The following STEAP2 variants were observed in gnomAD, a reference collection of about 807,000 sequenced individuals.
STEAP2 encodes STEAP2 metalloreductase.
A neutral mutation model predicts 46.4 loss-of-function variants in STEAP2; 30 were observed. The observed-to-expected ratio is 0.65, with a 90% CI of 0.48 to 0.88. The LOEUF (loss-of-function observed/expected upper bound fraction) is 0.88. Ranked by LOEUF, STEAP2 falls within the 40% of genes least tolerant of loss-of-function variation. The probability of loss-of-function intolerance (pLI) is 0.00; values close to 1 mark genes in which losing one functional copy is unlikely to be tolerated. For missense variants in STEAP2, 513 were observed against 579.3 expected, an observed-to-expected ratio of 0.89 and a Z score of 1.18; for synonymous variants, 180 against 200.5, an observed-to-expected ratio of 0.90 and a Z score of 0.86.
Position 90,232,731 on chromosome 7 carries a change from C to T in STEAP2, c.*107C>T. 2 of 1,395,778 alleles carry T rather than the reference C, an allele frequency of 1.4e-6. No individual in the cohort carries two copies. The highest frequency in any genetic ancestry group is 1.9e-6 in the Non-Finnish European group (2 of 1,073,240). 86.5% of individuals were successfully genotyped at this position (1,395,778 alleles called of 1,614,324 possible). On this transcript the variant is annotated 3_prime_UTR_variant, in exon 6 of 6. Transcript: ENST00000394621. ...GCTGTCAAATTATCGTGGGTTGAAA[C>T]TTGTTAAATGAGATTTCAACTGACT...
rs538446827 is a variant in STEAP2, at chr7:90,233,348, A to T, written c.*724A>T. On this transcript the variant is annotated 3_prime_UTR_variant, in exon 6 of 6. Coordinates refer to ENST00000394621, the MANE Select transcript of STEAP2 (RefSeq NM_001244944.2). ...TTTCATATTAATATACTGATCAGGA[A>T]GAGGATTCAGTAACATTTGGCTTCC... 354 of 984,174 alleles carry T rather than the reference A, an allele frequency of 3.6e-4. No homozygotes were observed. Among genetic ancestry groups the T allele is most frequent in the Non-Finnish European group, 4.2e-4 (345 of 828,928 alleles). The allele number at this position is 984,174 out of a possible 1,614,324, so 61.0% of individuals were successfully genotyped here.
chr7:90,240,429 C>T (rs1047020526), downstream of STEAP2, among the ~76,000 whole-genome samples: 3 of 152,016 alleles, frequency 2.0e-5, no homozygotes, highest in African/African-American at 7.2e-5. The surrounding 1 kb of genome is among the most constrained non-coding windows in gnomAD (Gnocchi z 4.1). Flanking sequence ...TACTCTAATT[C>T]AGAAAGGAAT....
chr7:90,225,631 A>C, intron 3 of STEAP2, 57 bp downstream of exon 3: 1 of 1,491,644 alleles, frequency 6.7e-7, no homozygotes, highest in South Asian at 1.4e-5. Flanking sequence ...TAAACAACTA[A>C]GCAAATATCA....
chr7:90,221,024 A>G (rs1209129715), intron 2 of STEAP2, among the ~76,000 whole-genome samples: 1 of 152,050 alleles, frequency 6.6e-6, no homozygotes, highest in African/African-American at 2.4e-5. Flanking sequence ...AATTTGTTGA[A>G]TCTTATTTTG....
chr7:90,225,654 C>T (rs1795459114), intron 3 of STEAP2, 80 bp downstream of exon 3: 2 of 1,402,990 alleles, frequency 1.4e-6, no homozygotes, highest in Admixed American at 2.5e-5. Context: ...CATTTTAATA[C>T]CAAACTCTGA....
downstream of STEAP2, among the ~76,000 whole-genome samples, chr7:90,239,805 T>C (rs194532): frequency 2.6e-5 from 4 of 152,234 alleles, no homozygotes; most frequent in Admixed American, 2.0e-4. Context: ...GTTAGTATAC[T>C]TTTCATTAGA....
downstream of STEAP2, chr7:90,238,005 A>G (rs765655754): frequency 1.6e-4 from 112 of 712,344 alleles, no homozygotes; most frequent in Non-Finnish European, 2.6e-4. Context: ...ATAATTACCC[A>G]TTTTTACAGA....
intron 1 of STEAP2, chr7:90,213,686 G>A (rs1363893657): frequency 6.6e-6 from 1 of 152,220 alleles, no homozygotes; most frequent in African/African-American, 2.4e-5. Flanking sequence ...CCAATGTGGA[G>A]GCAGTGATCA....
chr7:90,228,477 T>TC (rs1936285712), intron 4 of STEAP2, among the ~76,000 whole-genome samples: 1 of 152,124 alleles, frequency 6.6e-6, no homozygotes, highest in South Asian at 2.1e-4. Context: ...CTCCTTCCAG[T>TC]CATTTGCCCA....
chr7:90,226,806 C>T (rs1795505639), intron 3 of STEAP2, among the ~76,000 whole-genome samples, 165 bp from the exon 4 acceptor site: 1 of 152,146 alleles, frequency 6.6e-6, no homozygotes, highest in Non-Finnish European at 1.5e-5. Context: ...TTGTTGTAGG[C>T]TTTCAAACTA....
intron 2 of STEAP2, among the ~76,000 whole-genome samples, chr7:90,218,626 A>T (rs1425639663): frequency 2.0e-5 from 3 of 151,874 alleles, no homozygotes; most frequent in African/African-American, 4.8e-5. Flanking sequence ...GCATTCATTG[A>T]TCTGTGCATT....
downstream of STEAP2, among the ~76,000 whole-genome samples, chr7:90,240,739 A>C (rs1247269870): frequency 6.6e-6 from 1 of 152,220 alleles, no homozygotes; most frequent in African/African-American, 2.4e-5. This position sits in a 1 kb window ranked among gnomAD's most constrained non-coding sequence, Gnocchi z 4.1. Context: ...TTAATCTTTA[A>C]GTCTACAGGT....
chr7:90,226,830 G>C (rs1795506496), intron 3 of STEAP2, 141 bp from the exon 4 acceptor site: 6 of 777,884 alleles, frequency 7.7e-6, no homozygotes, highest in Non-Finnish European at 1.2e-5. Context: ...AAATCTGTTA[G>C]ATACTATAAT....
At chr7:90,239,209 G>A (rs1478886242), downstream of STEAP2, among the ~76,000 whole-genome samples, 1 of 152,106 alleles carries the variant, frequency 6.6e-6, no homozygotes, top group East Asian at 1.9e-4. Context: ...CCCTAATCCA[G>A]TATGACTGGT....
chr7:90,241,368 A>T (rs892751773), downstream of STEAP2, among the ~76,000 whole-genome samples: 4 of 152,216 alleles, frequency 2.6e-5, no homozygotes, highest in Non-Finnish European at 5.9e-5. Flanking sequence ...CATTTTGAGT[A>T]GCAAGGACCT....
chr7:90,241,323 C>A (rs1396135335), downstream of STEAP2, among the ~76,000 whole-genome samples: 1 of 152,078 alleles, frequency 6.6e-6, no homozygotes, highest in East Asian at 1.9e-4. Context: ...CTAACAGAGT[C>A]CCTAGTAATG....
rs1311250001 is a variant in STEAP2 at position 90,225,302 on chromosome 7, G to A, written c.220G>A (p.Val74Ile). ...TGCTTCTGAATTTTTTCCTCATGTG[G>A]TAGATGTCACTCATCATGAAGATGC... is the stretch of plus-strand genomic sequence containing the variant. ...KFASEFFPHV[V>I]DVTHHEDALT... Residue 74 changes from valine to isoleucine, a missense_variant, in exon 3 of 6, where the codon GTA (valine) becomes ATA (isoleucine). Transcript: ENST00000394621. 2 of 1,613,964 alleles carry A rather than the reference G, an allele frequency of 1.2e-6. No individual in the cohort carries two copies. Among genetic ancestry groups the A allele is most frequent in the Non-Finnish European group, 1.7e-6 (2 of 1,179,964 alleles).
Position 90,236,840 on chromosome 7 carries a change from T to C in STEAP2, c.*4216T>C. ...CACAAAAGCAGATGCTTTTGTATGA[T>C]CTCCAAATTGCCAACTTTAAGGAAA... On this transcript the variant is annotated 3_prime_UTR_variant, in exon 6 of 6. Transcript: ENST00000394621. The C allele has an allele frequency of 6.2e-7, 1 of 1,610,062 alleles. No homozygotes were observed. Among genetic ancestry groups the C allele is most frequent in the South Asian group, 1.1e-5 (1 of 90,382 alleles).
chr7:90,235,724 A>G lies in STEAP2; in HGVS notation c.*3100A>G, dbSNP rs1392445544. 8.8e-6 allele frequency: 7 copies of G among 793,252 alleles called. No homozygotes were observed. The highest frequency in any genetic ancestry group is 1.1e-5 in the Non-Finnish European group (7 of 654,828). 49.1% of individuals were successfully genotyped at this position (793,252 alleles called of 1,614,324 possible). The stretch of plus-strand genomic sequence containing the variant: ...TTCTTATGTCTCCTCTATTAAGAGT[A>G]TTTAAAATCATATTTAAATATGAAT... On this transcript the variant is annotated 3_prime_UTR_variant, in exon 6 of 6. Transcript: ENST00000394621.
Sources: gnomAD v4.1 joint callset for allele counts (sites outside exome capture counted in the v4.1 genomes callset) on GRCh38, gnomAD v4.1.1 for gene constraint, Gnocchi (gnomAD v3.1) non-coding constraint, MANE v1.5 for transcripts, NCBI Gene and HGNC (gene_info 2026-07-23, HGNC 2026-07-21) for gene names.